Variants in PAG1 observed in about 807,000 individuals in gnomAD.
The protein encoded by PAG1 is phosphoprotein membrane anchor with glycosphingolipid microdomains 1, also known as phosphoprotein associated with glycosphingolipid-enriched microdomains 1.
Under a neutral mutation model 31.7 loss-of-function variants are expected in PAG1, and 23 were observed. The ratio of observed to expected loss-of-function variants is 0.73; its 90% CI spans 0.52 to 1.03. The LOEUF (loss-of-function observed/expected upper bound fraction) is 1.03. Among genes scored for constraint, PAG1 ranks in the 50% least tolerant of loss-of-function variants. The pLI is 0.00. For missense variants in PAG1, 473 were observed against 540.7 expected, an observed-to-expected ratio of 0.87 and a Z score of 1.24; for synonymous variants, 214 against 210.3, an observed-to-expected ratio of 1.02 and a Z score of -0.15.
At chr8:81,049,059 G>T (rs1808685911) in intron 2 of PAG1, among the ~76,000 whole-genome samples, 1 of 152,160 alleles carries the variant, frequency 6.6e-6, no homozygotes, top group South Asian at 2.1e-4. Context: ...TACAGGCAGG[G>T]TGAATATAAA....
intron 8 of PAG1, among the ~76,000 whole-genome samples, chr8:80,977,392 C>T (rs1359036003): frequency 6.6e-6 from 1 of 152,196 alleles, no homozygotes; most frequent in Non-Finnish European, 1.5e-5. Flanking sequence ...CAGGCCTCAT[C>T]CCAGAACCAC....
rs572235272 is a variant in PAG1 at position 80,971,615 on chromosome 8, T to G, written c.*4929A>C. ...TTAAAAAATACCCACAGTATATAAC[T>G]GGCAAGCCAAAAAAACTTCCTGTAT... On this transcript the variant is annotated 3_prime_UTR_variant, in exon 9 of 9. Coordinates refer to ENST00000220597, the MANE Select transcript of PAG1 (RefSeq NM_018440.4). 2 of 152,234 alleles carry G rather than the reference T, an allele frequency of 1.3e-5. No individual in the cohort carries two copies. Among genetic ancestry groups the G allele is most frequent in the East Asian group, 3.8e-4 (2 of 5,200 alleles). The allele number at this position is 152,234 out of a possible 1,614,324, so 9.4% of individuals were successfully genotyped here. A position where few individuals can be genotyped will look rare whatever the true frequency, so the allele number is the denominator to read the frequency against.
chr8:81,070,551 C>T (rs890626711), intron 1 of PAG1, among the ~76,000 whole-genome samples: 1 of 152,056 alleles, frequency 6.6e-6, no homozygotes, highest in Non-Finnish European at 1.5e-5. Flanking sequence ...CAGCACTGCA[C>T]CTGCACACCT....
At chr8:81,025,538 G>A (rs1042195825) in intron 3 of PAG1, among the ~76,000 whole-genome samples, 3 of 152,120 alleles carry the variant, frequency 2.0e-5, no homozygotes, top group Non-Finnish European at 2.9e-5. Context: ...CCTGGAGAGC[G>A]GCTGCTCTCC....
chr8:81,069,673 G>A lies in PAG1; in HGVS notation c.-175+439C>T, dbSNP rs887812766. 1.1e-4 allele frequency among the ~76,000 whole-genome samples: 16 copies of A among 152,114 alleles called. No individual in the cohort carries two copies. The South Asian group carries it at 1.9e-3, about 18-fold the overall frequency. ...TAATGATAACCAAAAACACAGCCTC[G>A]TATATTTTTGGTGGTGGTGGCAGTG... On this transcript the variant is annotated intron_variant, in intron 2 of 8. Transcript: ENST00000220597.
intron 3 of PAG1, among the ~76,000 whole-genome samples, chr8:81,003,123 C>A (rs1303118459): frequency 6.6e-6 from 1 of 152,126 alleles, no homozygotes; most frequent in African/African-American, 2.4e-5. Flanking sequence ...CTCAGACACT[C>A]GGGGGTGGCG....
chr8:81,067,909 C>T (rs959249601), intron 2 of PAG1, among the ~76,000 whole-genome samples: 2 of 152,206 alleles, frequency 1.3e-5, no homozygotes, highest in African/African-American at 2.4e-5. Flanking sequence ...TCTCCCTGGA[C>T]GGTTGCTGAT....
At chr8:81,105,595 T>C (rs772636622) in intron 1 of PAG1, among the ~76,000 whole-genome samples, 3 of 152,168 alleles carry the variant, frequency 2.0e-5, no homozygotes, top group Admixed American at 6.5e-5. Context: ...AAAAGTATTG[T>C]GTTATGTGTT....
At chr8:81,050,236 T>C (rs573964665) in intron 2 of PAG1, among the ~76,000 whole-genome samples, 1 of 152,338 alleles carries the variant, frequency 6.6e-6, no homozygotes, top group African/African-American at 2.4e-5. Flanking sequence ...ATTAAAAATA[T>C]CCTTCAGCAT....
chr8:81,044,794 C>A (rs1563641114), intron 2 of PAG1, among the ~76,000 whole-genome samples: 4 of 152,146 alleles, frequency 2.6e-5, no homozygotes. Flanking sequence ...TATGTCAGTG[C>A]ATTTGAACAC....
In PAG1 at chr8:81,033,480, C is replaced by G. The variant is rs540493795; in HGVS notation, c.-174-3391G>C. 2.6e-5 allele frequency among the ~76,000 whole-genome samples: 4 copies of G among 152,270 alleles called. No individual in the cohort carries two copies. In the East Asian group the frequency reaches 7.7e-4, roughly 29 times the overall value. ...TATTGACCCAATCAAACAGAAATCC[C>G]ATACCTTCAATATTGATTTCTTTTT... On this transcript the variant is annotated intron_variant, in intron 2 of 8. Transcript: ENST00000220597.
intron 2 of PAG1, among the ~76,000 whole-genome samples, chr8:81,041,988 C>A (rs1459487066): frequency 6.6e-6 from 1 of 152,166 alleles, no homozygotes; most frequent in Non-Finnish European, 1.5e-5. Flanking sequence ...AATCTTATCC[C>A]CTTTATCTAC....
At chr8:81,027,797 C>T (rs1005338101) in intron 3 of PAG1, among the ~76,000 whole-genome samples, 2 of 150,506 alleles carry the variant, frequency 1.3e-5, no homozygotes, top group South Asian at 2.1e-4. Context: ...CCCAGCTACT[C>T]GGCAGGCTGA....
At chr8:81,075,885 C>T (rs1253466057) in intron 1 of PAG1, among the ~76,000 whole-genome samples, 1 of 152,224 alleles carries the variant, frequency 6.6e-6, no homozygotes, top group African/African-American at 2.4e-5. Flanking sequence ...ACAAGGGTCT[C>T]TAATCTCACT....
chr8:81,098,915 T>C (rs1380358466), intron 1 of PAG1, among the ~76,000 whole-genome samples: 2 of 152,328 alleles, frequency 1.3e-5, no homozygotes, highest in East Asian at 3.9e-4. Flanking sequence ...AAATGCAATA[T>C]CCTGGGATAC....
intron 3 of PAG1, among the ~76,000 whole-genome samples, chr8:81,004,893 C>A (rs1186644747): frequency 6.6e-6 from 1 of 152,166 alleles, no homozygotes; most frequent in Admixed American, 6.5e-5. Context: ...TGCACTTGAC[C>A]ACAGCCAGGG....
intron 2 of PAG1, among the ~76,000 whole-genome samples, chr8:81,055,250 G>A (rs1179133646): frequency 1.3e-5 from 2 of 151,800 alleles, no homozygotes; most frequent in Non-Finnish European, 2.9e-5. Context: ...TTTTTTTACA[G>A]AGACATGGTC....
intron 3 of PAG1, among the ~76,000 whole-genome samples, chr8:81,007,995 A>C (rs929222134): frequency 2.6e-5 from 4 of 152,112 alleles, no homozygotes; most frequent in African/African-American, 4.8e-5. Context: ...CAAAAAGAAA[A>C]CTCATCTAGG....
At chr8:81,002,918 T>C (rs1340319612) in intron 3 of PAG1, among the ~76,000 whole-genome samples, 1 of 152,172 alleles carries the variant, frequency 6.6e-6, no homozygotes, top group Non-Finnish European at 1.5e-5. Flanking sequence ...TGTCCAGAGC[T>C]TATCCTCACA....
Sources: gnomAD v4.1 joint callset for allele counts (sites outside exome capture counted in the v4.1 genomes callset) on GRCh38, gnomAD v4.1.1 for gene constraint, MANE v1.5 for transcripts, NCBI Gene and HGNC (gene_info 2026-07-23, HGNC 2026-07-21) for gene names.